TMEM63B: variants seen among roughly 807,000 people sequenced by gnomAD.
TMEM63B encodes the protein transmembrane protein 63B, also known as mechanosensitive cation channel TMEM63B.
In TMEM63B, 23 loss-of-function variants were observed where a neutral mutation model predicts 102.6. The ratio of observed to expected loss-of-function variants is 0.22; its 90% confidence interval spans 0.16 to 0.32. The LOEUF is 0.32. Ranked by LOEUF, TMEM63B falls within the 10% of genes least tolerant of loss-of-function variation. The pLI is 1.00. For missense variants in TMEM63B, 628 were observed against 1,095.9 expected (o/e 0.57, Z 6.03); for synonymous variants, 444 against 437.0 (o/e 1.02, Z -0.20).
intron 18 of TMEM63B, among the ~76,000 whole-genome samples, chr6:44,151,433 T>C (rs187807535): frequency 6.6e-6 from 1 of 152,010 alleles, no homozygotes; most frequent in East Asian, 1.9e-4. Flanking sequence ...AAAGCTTGTT[T>C]GTGGAGGTAT....
At chr6:44,137,220 A>G (rs1195355268) in intron 5 of TMEM63B, among the ~76,000 whole-genome samples, 3 of 152,174 alleles carry the variant, frequency 2.0e-5, no homozygotes, top group Non-Finnish European at 4.4e-5. Context: ...ATGAATGGCA[A>G]TTCATAACAG....
Position 44,149,946 on chromosome 6 carries a change from T to C in TMEM63B, c.1501T>C (p.Phe501Leu). The stretch of plus-strand genomic sequence containing the variant: ...CACCATCGTCTACTACTCAGCCTTC[T>C]TTGAAGCCCACTGGACACGGTAAGG... ...LPTIVYYSAFFEAHWTRSGEN... is the reference protein window; with the variant it reads ...LPTIVYYSAFLEAHWTRSGEN... The change falls in exon 16 of 24, where the codon TTT becomes CTT. Residue 501 changes from phenylalanine (F) to leucine (L), a missense_variant. By Grantham distance (22) the Phe-to-Leu change is conservative (BLOSUM62 0). Transcript: ENST00000323267. 1 of 1,613,606 alleles carries C rather than the reference T, an allele frequency of 6.2e-7. No individual in the cohort carries two copies. The highest frequency in any genetic ancestry group is 1.1e-5 in the South Asian group (1 of 90,870).
Position 44,152,465 on chromosome 6 carries a change from T to C in TMEM63B, c.1837-128T>C. The stretch of plus-strand genomic sequence containing the variant: ...CTCTGCCCTACCCTACCCTAGACAT[T>C]AGGTCCTGTTCCCCATGGCTTCTTT... On this transcript the variant is annotated intron_variant, in intron 19 of 23. Transcript: ENST00000323267. The surrounding 1 kb of genome is among the most constrained non-coding windows in gnomAD (Gnocchi z 6.4). 1.4e-6 allele frequency: 1 copy of C among 707,016 alleles called. No individual in the cohort carries two copies. The highest frequency in any genetic ancestry group is 2.5e-6 in the Non-Finnish European group (1 of 404,042). The allele number at this position is 707,016 out of a possible 1,614,324, so 43.8% of individuals were successfully genotyped here. A position where few individuals can be genotyped will look rare whatever the true frequency, so the allele number is the denominator to read the frequency against.
At chr6:44,144,227 C>T (rs1327559885) in intron 10 of TMEM63B, among the ~76,000 whole-genome samples, 5 of 152,176 alleles carry the variant, frequency 3.3e-5, no homozygotes, top group East Asian at 1.9e-4. Context: ...TAAGAGACAG[C>T]GCTTGAGCTC....
In TMEM63B at chr6:44,148,411, C is replaced by T. The variant is rs781532113; in HGVS notation, c.1121+26C>T. On this transcript the variant is annotated intron_variant, in intron 13 of 23. Coordinates refer to ENST00000323267, the MANE Select transcript of TMEM63B (RefSeq NM_018426.3). This position sits in a 1 kb window ranked among gnomAD's most constrained non-coding sequence, Gnocchi z 5.1. ...GTGAGTCCCCAACTCGGCCCTCGGC[C>T]CTGAGCAGCCCTCCAGGGCTCCCTG... 3.1e-6 allele frequency: 5 copies of T among 1,614,116 alleles called. No homozygotes were observed. In the South Asian group the frequency reaches 5.5e-5, roughly 18 times the overall value.
chr6:44,154,266 G>A (rs1024201871), intron 22 of TMEM63B, 78 bp downstream of exon 22: 12 of 1,598,172 alleles, frequency 7.5e-6, no homozygotes, highest in Middle Eastern at 1.7e-4. Context: ...CAGGGCTGGC[G>A]AGGGCTGAGG....
rs1762723370 is a variant in TMEM63B at position 44,135,349 on chromosome 6, C to T, written c.261C>T (p.Asp87=). 6.2e-7 allele frequency: 1 copy of T among 1,613,000 alleles called. No individual in the cohort carries two copies. The highest frequency in any genetic ancestry group is 1.3e-5 in the African/African-American group (1 of 75,036). ...DADRLRRQER[D]RVEQEYVASA... is the part of the protein sequence containing the mutation. ...CCAGGCTTCGGCGGCAGGAGAGGGA[C>T]CGAGTGGAACAGGAATAGTATGTGG... The change falls in exon 4 of 24, where the codon GAC becomes GAT. Residue 87 remains aspartate (D), a synonymous_variant. Transcript: ENST00000323267.
chr6:44,154,167 C>A lies in TMEM63B; in HGVS notation c.2205C>A (p.Tyr735Ter). ...LCHVCFGHFKYLSAHNYKIEH... is the reference protein window; with the variant it reads ...LCHVCFGHFK ...ACGTCTGCTTTGGACACTTCAAATA[C>A]CTCAGTGCCCACAACTACAAGGTGT... The change falls in exon 22 of 24, where the codon TAC becomes TAA. Residue 735 changes from tyrosine to a stop codon, truncating the protein, a stop_gained. Transcript: ENST00000323267. LOFTEE classifies it high-confidence loss of function. 6.2e-7 allele frequency: 1 copy of A among 1,614,098 alleles called. No homozygotes were observed. Among genetic ancestry groups the A allele is most frequent in the East Asian group, 2.2e-5 (1 of 44,888 alleles).
intron 20 of TMEM63B, among the ~76,000 whole-genome samples, chr6:44,153,189 G>A (rs1329767051): frequency 6.6e-6 from 1 of 152,168 alleles, no homozygotes; most frequent in African/African-American, 2.4e-5. Flanking sequence ...GTTTAGCAAA[G>A]TTTCTCTTTA....
Position 44,155,033 on chromosome 6 carries a change from T to C in TMEM63B, c.*150T>C. The C allele has an allele frequency of 1.3e-6, 1 of 744,472 alleles. No individual in the cohort carries two copies. Among genetic ancestry groups the C allele is most frequent in the South Asian group, 3.0e-5 (1 of 33,426 alleles). The allele number at this position is 744,472 out of a possible 1,614,324, so 46.1% of individuals were successfully genotyped here. Reference sequence around the variant, plus strand: ...TATTTAAACTTGGGGGTTTCACTGCTCTCCCCCATGATGGAGGGAGGGAGC... The same window carrying C: ...TATTTAAACTTGGGGGTTTCACTGCCCTCCCCCATGATGGAGGGAGGGAGC... On this transcript the variant is annotated 3_prime_UTR_variant, in exon 24 of 24. Coordinates refer to ENST00000323267, the MANE Select transcript of TMEM63B (RefSeq NM_018426.3).
At chr6:44,133,649 C>G (rs1414936446) in intron 1 of TMEM63B, among the ~76,000 whole-genome samples, 1 of 152,236 alleles carries the variant, frequency 6.6e-6, no homozygotes. Flanking sequence ...CTTTTCTCCT[C>G]CTGCCCACCC....
chr6:44,146,352 C>T (rs1291934302), intron 10 of TMEM63B, among the ~76,000 whole-genome samples: 4 of 152,258 alleles, frequency 2.6e-5, no homozygotes, highest in African/African-American at 9.6e-5. Context: ...CCCACTTCCC[C>T]ACTCAGATAA....
chr6:44,136,359 G>C lies in TMEM63B; in HGVS notation c.289G>C (p.Ala97Pro). 6.2e-7 allele frequency: 1 copy of C among 1,614,068 alleles called. No homozygotes were observed. The highest frequency in any genetic ancestry group is 8.5e-7 in the Non-Finnish European group (1 of 1,179,976). The part of the protein sequence containing the change: ...DRVEQEYVAS[A>P]MHGDSHDRYE... ...CTCCCTCACCCCCAGTGTGGCTTCAGCTATGCACGGGGACAGCCATGACCG... is the reference window on the plus strand; with the variant it reads ...CTCCCTCACCCCCAGTGTGGCTTCACCTATGCACGGGGACAGCCATGACCG... Residue 97 changes from alanine (A) to proline (P), a missense_variant, in exon 5 of 24, where the codon GCT becomes CCT. Coordinates refer to ENST00000323267, the MANE Select transcript of TMEM63B (RefSeq NM_018426.3).
At position 44,152,085 on chromosome 6, in the gene TMEM63B, G is replaced by C; in HGVS notation, c.1836+77G>C. On this transcript the variant is annotated intron_variant, in intron 19 of 23. Coordinates refer to ENST00000323267, the MANE Select transcript of TMEM63B (RefSeq NM_018426.3). This position sits in a 1 kb window ranked among gnomAD's most constrained non-coding sequence, Gnocchi z 6.4. ...ACAAGAAACAGCAGCCATCGCGCTA[G>C]GGTTGAGGGGCACAGGAGGGCTGAG... 1.3e-6 allele frequency: 2 copies of C among 1,484,674 alleles called. No individual in the cohort carries two copies. The highest frequency in any genetic ancestry group is 1.8e-6 in the Non-Finnish European group (2 of 1,115,864). 92.0% of individuals were successfully genotyped at this position (1,484,674 alleles called of 1,614,324 possible).
Position 44,148,733 on chromosome 6 carries a change from G to A in TMEM63B, c.1260-59G>A. 7 of 1,611,350 alleles carry A rather than the reference G, an allele frequency of 4.3e-6. No homozygotes were observed. The South Asian group carries it at 5.5e-5, about 13-fold the overall frequency. On this transcript the variant is annotated intron_variant, in intron 14 of 23. Transcript: ENST00000323267. This position sits in a 1 kb window ranked among gnomAD's most constrained non-coding sequence, Gnocchi z 5.1. Reference sequence around the variant, plus strand: ...GGCGGAGGAGAGGGAGTGTCTTGGTGTCACTGGGGGCCAATCCTGCCCTTG... The same window carrying A: ...GGCGGAGGAGAGGGAGTGTCTTGGTATCACTGGGGGCCAATCCTGCCCTTG...
chr6:44,151,401 G>C (rs1457868883), intron 18 of TMEM63B, among the ~76,000 whole-genome samples: 1 of 152,082 alleles, frequency 6.6e-6, no homozygotes, highest in Non-Finnish European at 1.5e-5. Flanking sequence ...GGCTCCCCCA[G>C]AGATGTTGCG....
At chr6:44,139,366 AGGGTGGGTTTG>A in intron 6 of TMEM63B, 90 bp from the exon 7 acceptor site, 1 of 1,404,980 alleles carries the variant, frequency 7.1e-7, no homozygotes, top group East Asian at 2.4e-5. Flanking sequence ...AGCTGGAGCT[AGGGTGGGTTTG>A]GGGTGGGAGT....
chr6:44,132,298 A>G lies in TMEM63B; in HGVS notation c.-24-2263A>G, dbSNP rs1762097148. 9 of 985,290 alleles carry G rather than the reference A, an allele frequency of 9.1e-6. No homozygotes were observed. In the South Asian group the frequency reaches 3.3e-4, roughly 36 times the overall value. 61.0% of individuals were successfully genotyped at this position (985,290 alleles called of 1,614,324 possible). On this transcript the variant is annotated intron_variant, in intron 1 of 23. Coordinates refer to ENST00000323267, the MANE Select transcript of TMEM63B (RefSeq NM_018426.3). ...GACAGCAGAGGAGCATGGTGATTTC[A>G]GTTACTAACCATCTAGCTAGATCCT...
At chr6:44,142,142 TAGAAG>T (rs977560556) in intron 10 of TMEM63B, among the ~76,000 whole-genome samples, 6 of 149,102 alleles carry the variant, frequency 4.0e-5, no homozygotes, top group African/African-American at 1.5e-4. Flanking sequence ...AAATAAAAAA[TAGAAG>T]AGGCCAGGCA....
Sources: allele counts gnomAD v4.1 joint callset (sites outside exome capture counted in the v4.1 genomes callset), GRCh38; gene constraint gnomAD v4.1.1; non-coding constraint Gnocchi (gnomAD v3.1); transcripts MANE v1.5; gene names NCBI Gene and HGNC (gene_info 2026-07-23, HGNC 2026-07-21).